Variants in CDIP1 observed in about 807,000 individuals in gnomAD.
The protein encoded by CDIP1 is cell death-inducing p53-target protein 1.
In CDIP1, 9 loss-of-function variants were observed where a neutral mutation model predicts 17.7. The ratio of observed to expected loss-of-function variants is 0.51; its 90% CI spans 0.31 to 0.89. The LOEUF is 0.89. Among genes scored for constraint, CDIP1 ranks in the 40% least tolerant of loss-of-function variants. The pLI is 0.05. For missense variants in CDIP1, 263 were observed against 277.9 expected, an observed-to-expected ratio of 0.95 and a Z score of 0.38; for synonymous variants, 117 against 109.5, an observed-to-expected ratio of 1.07 and a Z score of -0.43.
At chr16:4,536,707 C>T (rs2059109836) in intron 1 of CDIP1, 1 of 134,114 alleles carries the variant, frequency 7.5e-6, no homozygotes, top group African/African-American at 2.8e-5. Context: ...GAGGGTGAGG[C>T]AAGAGGATCA....
At chr16:4,521,284 C>T (rs992612520) in intron 1 of CDIP1, among the ~76,000 whole-genome samples, 2 of 152,174 alleles carry the variant, frequency 1.3e-5, no homozygotes, top group African/African-American at 4.8e-5. Flanking sequence ...ATTATTAAAA[C>T]AGTTCTGATC....
At chr16:4,536,762 G>A (rs2059110431) in intron 1 of CDIP1, 1 of 99,420 alleles carries the variant, frequency 1.0e-5, no homozygotes. Context: ...ATAATGACAT[G>A]CCATCTCTAC....
Position 4,514,215 on chromosome 16 carries a change from G to T in CDIP1, c.-14-71C>A, listed in dbSNP as rs1008297854. The T allele has an allele frequency of 7.9e-6, 7 of 885,828 alleles. No homozygotes were observed. The highest frequency in any genetic ancestry group is 1.2e-5 in the Non-Finnish European group (7 of 586,136). 54.9% of individuals were successfully genotyped at this position (885,828 alleles called of 1,614,324 possible). ...GGTTCCTTCTCCTTCAGCCCTGTGG[G>T]GTGGCCAAGATGCTGCACAAGGCGT... On this transcript the variant is annotated intron_variant, in intron 2 of 5. Coordinates refer to ENST00000567695, the MANE Select transcript of CDIP1 (RefSeq NM_013399.3). This position sits in a 1 kb window ranked among gnomAD's most constrained non-coding sequence, Gnocchi z 5.2.
rs1168983948 is a variant in CDIP1 at position 4,514,415 on chromosome 16, C to T, written c.-15+160G>A. Among the ~76,000 whole-genome samples the T allele has an allele frequency of 6.6e-6, 1 of 152,198 alleles. No individual in the cohort carries two copies. The highest frequency in any genetic ancestry group is 1.5e-5 in the Non-Finnish European group (1 of 68,028). On this transcript the variant is annotated intron_variant, in intron 2 of 5. Coordinates refer to ENST00000567695, the MANE Select transcript of CDIP1 (RefSeq NM_013399.3). The surrounding 1 kb of genome is among the most constrained non-coding windows in gnomAD (Gnocchi z 5.2). Reference sequence around the variant, plus strand: ...GCAGGGCCCAGTGAGGTAAAGTCCCCCAAGGAGCCTAACTCAGCACTTGCC... The same window carrying T: ...GCAGGGCCCAGTGAGGTAAAGTCCCTCAAGGAGCCTAACTCAGCACTTGCC...
intron 1 of CDIP1, among the ~76,000 whole-genome samples, chr16:4,537,179 CTTACT>C (rs1397012498): frequency 6.6e-6 from 1 of 152,164 alleles, no homozygotes; most frequent in African/African-American, 2.4e-5. Flanking sequence ...ATATCTGCAA[CTTACT>C]TTGACACAAA....
intron 1 of CDIP1, among the ~76,000 whole-genome samples, chr16:4,534,491 A>G (rs2059086354): frequency 6.6e-6 from 1 of 152,194 alleles, no homozygotes. Flanking sequence ...AGGGCCAGCC[A>G]TGGGCCCTTC....
intron 1 of CDIP1, among the ~76,000 whole-genome samples, chr16:4,528,693 A>C (rs1321386308): frequency 6.7e-6 from 1 of 149,880 alleles, no homozygotes; most frequent in African/African-American, 2.4e-5. Flanking sequence ...CAAAAAAAAA[A>C]AAAAAAAAAA....
chr16:4,520,999 T>C (rs1051358136), intron 1 of CDIP1, among the ~76,000 whole-genome samples: 1 of 152,190 alleles, frequency 6.6e-6, no homozygotes, highest in Non-Finnish European at 1.5e-5. Context: ...GTGTGCCTCA[T>C]TTCGTCACAA....
intron 1 of CDIP1, chr16:4,536,672 C>G (rs1027624225): frequency 6.6e-6 from 1 of 151,100 alleles, no homozygotes; most frequent in African/African-American, 2.4e-5. Flanking sequence ...CACGGTAGCT[C>G]CTGCCTGTAA....
intron 1 of CDIP1, among the ~76,000 whole-genome samples, chr16:4,519,396 T>C (rs1337400282): frequency 6.8e-6 from 1 of 147,856 alleles, no homozygotes; most frequent in Non-Finnish European, 1.5e-5. Flanking sequence ...CTCAGTTCCA[T>C]GACTGCCCCC....
chr16:4,513,887 G>C lies in CDIP1; in HGVS notation c.86-36C>G. 6.5e-7 allele frequency: 1 copy of C among 1,529,762 alleles called. No homozygotes were observed. The highest frequency in any genetic ancestry group is 8.8e-7 in the Non-Finnish European group (1 of 1,139,808). The allele number at this position is 1,529,762 out of a possible 1,614,324, so 94.8% of individuals were successfully genotyped here. A position where few individuals can be genotyped will look rare whatever the true frequency, so the allele number is the denominator to read the frequency against. On this transcript the variant is annotated intron_variant, in intron 3 of 5. Transcript: ENST00000567695. This position sits in a 1 kb window ranked among gnomAD's most constrained non-coding sequence, Gnocchi z 4.1. Reference sequence around the variant, plus strand: ...AGAGGCAGAAAGAGGAGACTGAGCTGGAGCCTCTGCACGATGAGCTCGACC... The same window carrying C: ...AGAGGCAGAAAGAGGAGACTGAGCTCGAGCCTCTGCACGATGAGCTCGACC...
chr16:4,525,993 C>G (rs1232909482), intron 1 of CDIP1, among the ~76,000 whole-genome samples: 1 of 152,182 alleles, frequency 6.6e-6, no homozygotes, highest in African/African-American at 2.4e-5. Flanking sequence ...CACTTCAAAA[C>G]AAGCTCAACT....
At chr16:4,531,693 A>G (rs949918539) in intron 1 of CDIP1, among the ~76,000 whole-genome samples, 1 of 152,254 alleles carries the variant, frequency 6.6e-6, no homozygotes, top group African/African-American at 2.4e-5. Flanking sequence ...GAGCCAAGAC[A>G]GGACCTCAGC....
chr16:4,526,290 A>G (rs1222052326), intron 1 of CDIP1, among the ~76,000 whole-genome samples: 1 of 152,186 alleles, frequency 6.6e-6, no homozygotes, highest in African/African-American at 2.4e-5. Context: ...CTGTAATCCC[A>G]GCTACTCGGG....
intron 1 of CDIP1, chr16:4,538,361 G>A (rs558516724): frequency 6.6e-6 from 1 of 152,340 alleles, no homozygotes. Context: ...GCCGAAAGCG[G>A]AGAGGGGCCC....
intron 1 of CDIP1, among the ~76,000 whole-genome samples, chr16:4,521,669 C>T (rs28430971): frequency 2.7e-5 from 4 of 149,022 alleles, no homozygotes; most frequent in Non-Finnish European, 5.9e-5. Context: ...TCGAAACCAG[C>T]CTGGACAACA....
Position 4,538,750 on chromosome 16 carries a change from T to G in CDIP1, c.-153A>C, listed in dbSNP as rs1292261976. The G allele has an allele frequency of 6.6e-6, 1 of 152,098 alleles. No homozygotes were observed. The highest frequency in any genetic ancestry group is 2.4e-5 in the African/African-American group (1 of 41,386). The allele number at this position is 152,098 out of a possible 1,614,324, so 9.4% of individuals were successfully genotyped here. Reference sequence around the variant, plus strand: ...GGCCGCAACAGCAGGACCGAACGCCTCGGCAGCTGGCAGTCGCACTTCTGT... The same window carrying G: ...GGCCGCAACAGCAGGACCGAACGCCGCGGCAGCTGGCAGTCGCACTTCTGT... On this transcript the variant is annotated 5_prime_UTR_variant, in exon 1 of 6. Coordinates refer to ENST00000567695, the MANE Select transcript of CDIP1 (RefSeq NM_013399.3).
chr16:4,515,482 C>T (rs760195771), intron 1 of CDIP1, among the ~76,000 whole-genome samples: 4 of 152,174 alleles, frequency 2.6e-5, no homozygotes, highest in Non-Finnish European at 4.4e-5. Context: ...TGGATGTCAT[C>T]AGAATGAAAA....
intron 1 of CDIP1, among the ~76,000 whole-genome samples, chr16:4,528,895 A>G (rs901238667): frequency 1.3e-5 from 2 of 152,090 alleles, no homozygotes; most frequent in African/African-American, 4.8e-5. Flanking sequence ...AGGCTGAGGC[A>G]AAAGAATTAC....
Sources: allele counts gnomAD v4.1 joint callset (sites outside exome capture counted in the v4.1 genomes callset), GRCh38; gene constraint gnomAD v4.1.1; non-coding constraint Gnocchi (gnomAD v3.1); transcripts MANE v1.5; gene names NCBI Gene and HGNC (gene_info 2026-07-23, HGNC 2026-07-21).